The following BBX variants were observed in gnomAD, a reference collection of about 807,000 sequenced individuals.
BBX encodes HMG box transcription factor BBX.
A neutral mutation model predicts 100.2 loss-of-function variants in BBX; 30 were observed. That is an observed-to-expected ratio of 0.30 (90% confidence interval 0.22 to 0.41). BBX has a LOEUF of 0.41. Ranked by LOEUF, BBX falls within the 10% of genes least tolerant of loss-of-function variation. The pLI is 1.00. For missense variants in BBX, 1,023 were observed against 1,129.8 expected, an observed-to-expected ratio of 0.91 and a Z score of 1.35; for synonymous variants, 376 against 388.1, an observed-to-expected ratio of 0.97 and a Z score of 0.37.
At chr3:107,541,834 T>A (rs1047396355) in intron 2 of BBX, among the ~76,000 whole-genome samples, 7 of 151,810 alleles carry the variant, frequency 4.6e-5, no homozygotes, top group African/African-American at 1.4e-4. Context: ...TTTTTTTTTT[T>A]AAGAGATGGA....
chr3:107,774,165 A>C (rs1165306396), intron 11 of BBX, among the ~76,000 whole-genome samples: 5 of 152,154 alleles, frequency 3.3e-5, no homozygotes, highest in Non-Finnish European at 7.3e-5. Flanking sequence ...GAGCTCTTTA[A>C]AACATTATAA....
intron 2 of BBX, among the ~76,000 whole-genome samples, chr3:107,597,721 TA>T (rs1299911887): frequency 5.3e-5 from 8 of 152,230 alleles, no homozygotes. Context: ...TCTCCAATTT[TA>T]TTCTAAACAA....
rs558163735 is a variant in BBX, at chr3:107,737,895, T to G, written c.669+4872T>G. On this transcript the variant is annotated intron_variant, in intron 7 of 17. Coordinates refer to ENST00000325805, the MANE Select transcript of BBX (RefSeq NM_001142568.3). Reference sequence around the variant, plus strand: ...ACTTCAGAGTTCCAGTTTTTTTTTTTTTTTTTTTTTTTTTTTTTTAACTAT... The same window carrying G: ...ACTTCAGAGTTCCAGTTTTTTTTTTGTTTTTTTTTTTTTTTTTTTAACTAT... Among the ~76,000 whole-genome samples, 532 of 112,542 alleles carry G rather than the reference T, an allele frequency of 4.7e-3. 2 individuals carry two copies. Among genetic ancestry groups the G allele is most frequent in the Middle Eastern group, 9.4e-3 (2 of 212 alleles). 73.8% of individuals were successfully genotyped at this position (112,542 alleles called of 152,430 possible).
intron 2 of BBX, among the ~76,000 whole-genome samples, chr3:107,592,503 C>T (rs906378755): frequency 2.0e-5 from 3 of 151,490 alleles, no homozygotes; most frequent in African/African-American, 7.3e-5. Context: ...TCTTAAACGT[C>T]TATTGGAGTC....
At chr3:107,698,717 C>G (rs1368474346) in intron 3 of BBX, among the ~76,000 whole-genome samples, 1 of 151,038 alleles carries the variant, frequency 6.6e-6, no homozygotes, top group African/African-American at 2.4e-5. Flanking sequence ...AATCAGTGTT[C>G]GGTGATTGAT....
At position 107,773,747 on chromosome 3, in the gene BBX, T is replaced by A; in HGVS notation, c.1915+111T>A. 2 of 930,370 alleles carry A rather than the reference T, an allele frequency of 2.1e-6. No individual in the cohort carries two copies. Among genetic ancestry groups the A allele is most frequent in the Non-Finnish European group, 3.2e-6 (2 of 631,372 alleles). The allele number at this position is 930,370 out of a possible 1,614,324, so 57.6% of individuals were successfully genotyped here. ...AACAATATGGTATCAAAATAATACC[T>A]TACATTTGTATATTTCTTTATGGTT... On this transcript the variant is annotated intron_variant, in intron 11 of 17. Coordinates refer to ENST00000325805, the MANE Select transcript of BBX (RefSeq NM_001142568.3). The surrounding 1 kb of genome is among the most constrained non-coding windows in gnomAD (Gnocchi z 4.1).
At chr3:107,575,491 G>A (rs1323252614) in intron 2 of BBX, among the ~76,000 whole-genome samples, 1 of 152,072 alleles carries the variant, frequency 6.6e-6, no homozygotes, top group Non-Finnish European at 1.5e-5. Context: ...AAAAATCCTG[G>A]CAATATTGTC....
At position 107,576,819 on chromosome 3, in the gene BBX, G is replaced by A. The variant is rs140641974; in HGVS notation, c.-84+50421G>A. On this transcript the variant is annotated intron_variant, in intron 2 of 17. Transcript: ENST00000325805. ...AAACGCACTATTTTTCTTTCCTCCC[G>A]AAGCTCTTTATAAGCATTAAATTGC... 2.1e-4 allele frequency among the ~76,000 whole-genome samples: 32 copies of A among 151,934 alleles called. No homozygotes were observed. In the East Asian group the frequency reaches 5.4e-3, roughly 26 times the overall value.
intron 2 of BBX, among the ~76,000 whole-genome samples, chr3:107,555,131 A>G (rs571637593): frequency 6.6e-6 from 1 of 152,310 alleles, no homozygotes; most frequent in South Asian, 2.1e-4. Context: ...TTATTTTCAT[A>G]GTATTGATAT....
chr3:107,645,364 A>G (rs920277691), intron 2 of BBX, among the ~76,000 whole-genome samples: 2 of 152,158 alleles, frequency 1.3e-5, no homozygotes, highest in East Asian at 1.9e-4. Flanking sequence ...CGTTTTTACT[A>G]TCTTGCCCTA....
At chr3:107,561,530 A>T (rs1396683279) in intron 2 of BBX, among the ~76,000 whole-genome samples, 1 of 152,214 alleles carries the variant, frequency 6.6e-6, no homozygotes, top group East Asian at 1.9e-4. Flanking sequence ...TATTCACATG[A>T]TGGAGTAAAT....
chr3:107,573,545 G>A (rs2051535445), intron 2 of BBX, among the ~76,000 whole-genome samples: 1 of 152,114 alleles, frequency 6.6e-6, no homozygotes, highest in Admixed American at 6.5e-5. Context: ...GGGTGGCAGA[G>A]TGAGACTCCG....
chr3:107,728,973 A>G lies in BBX; in HGVS notation c.601+13A>G. 3 of 1,610,770 alleles carry G rather than the reference A, an allele frequency of 1.9e-6. No homozygotes were observed. The highest frequency in any genetic ancestry group is 1.7e-6 in the Non-Finnish European group (2 of 1,178,166). On this transcript the variant is annotated intron_variant, in intron 6 of 17. Transcript: ENST00000325805. ...TTTGGAATGGCTGGTGAGTTGAGAC[A>G]CTATTTCCACCTATTCTTTAAGGAC...
At chr3:107,633,958 T>C (rs1449562995) in intron 2 of BBX, among the ~76,000 whole-genome samples, 2 of 152,242 alleles carry the variant, frequency 1.3e-5, no homozygotes, top group Non-Finnish European at 2.9e-5. Flanking sequence ...TGTAGACAGA[T>C]AGCACCAGAT....
At chr3:107,779,070 T>C (rs1163709499) in intron 13 of BBX, among the ~76,000 whole-genome samples, 1 of 144,892 alleles carries the variant, frequency 6.9e-6, no homozygotes, top group East Asian at 2.0e-4. Context: ...TAAAAAATGC[T>C]TTGTTTAGTA....
At chr3:107,566,918 G>A (rs1337803861) in intron 2 of BBX, among the ~76,000 whole-genome samples, 2 of 151,984 alleles carry the variant, frequency 1.3e-5, no homozygotes, top group Admixed American at 6.5e-5. Context: ...GCCATTTGAT[G>A]TACTGTTTCC....
intron 2 of BBX, among the ~76,000 whole-genome samples, chr3:107,592,341 A>G (rs1488486255): frequency 7.5e-6 from 1 of 133,064 alleles, no homozygotes; most frequent in Admixed American, 8.1e-5. Context: ...AGTCTAGGTG[A>G]TAGAGCGAGA....
intron 2 of BBX, among the ~76,000 whole-genome samples, chr3:107,556,670 A>C (rs967552283): frequency 3.3e-5 from 5 of 152,180 alleles, no homozygotes; most frequent in Admixed American, 1.3e-4. Flanking sequence ...ACCCATTATA[A>C]ATTTCCAGAA....
chr3:107,761,645 T>A (rs1242718345), intron 10 of BBX, among the ~76,000 whole-genome samples: 1 of 152,170 alleles, frequency 6.6e-6, no homozygotes, highest in African/African-American at 2.4e-5. Context: ...GGAAGGCTGG[T>A]TGCAAACAAA....
Sources: gnomAD v4.1 joint callset for allele counts (sites outside exome capture counted in the v4.1 genomes callset) on GRCh38, gnomAD v4.1.1 for gene constraint, Gnocchi (gnomAD v3.1) non-coding constraint, MANE v1.5 for transcripts, NCBI Gene and HGNC (gene_info 2026-07-23, HGNC 2026-07-21) for gene names.